Variants in C2CD5 observed in about 807,000 individuals in gnomAD.
The protein encoded by C2CD5 is C2 calcium dependent domain containing 5, also known as C2 domain-containing protein 5.
C2CD5 carries 109 observed loss-of-function variants against 130.3 expected under a neutral mutation model. That is an observed-to-expected ratio of 0.84 (90% CI 0.72 to 0.98). The LOEUF (loss-of-function observed/expected upper bound fraction) is 0.98. Among genes scored for constraint, C2CD5 ranks in the 50% least tolerant of loss-of-function variants. C2CD5 has a pLI of 0.00. For missense variants in C2CD5, 996 were observed against 1,261.8 expected (o/e 0.79, Z 3.19); for synonymous variants, 454 against 429.2 (o/e 1.06, Z -0.71).
At chr12:22,471,664 CAAT>C (rs747875417) in intron 19 of C2CD5, among the ~76,000 whole-genome samples, 176 bp from the exon 20 acceptor site, 1 of 151,358 alleles carries the variant, frequency 6.6e-6, no homozygotes, top group Non-Finnish European at 1.5e-5. Flanking sequence ...TTTAAGTAGA[CAAT>C]AAGATTTAAT....
chr12:22,477,434 G>C (rs960508257), intron 15 of C2CD5: 1 of 152,034 alleles, frequency 6.6e-6, no homozygotes, highest in Non-Finnish European at 1.5e-5. Flanking sequence ...CAACAATCCA[G>C]ACACACTGTT....
At position 22,472,289 on chromosome 12, in the gene C2CD5, T is replaced by C; in HGVS notation, c.2166A>G (p.Ile722Met). 1 of 1,497,170 alleles carries C rather than the reference T, an allele frequency of 6.7e-7. No individual in the cohort carries two copies. Among genetic ancestry groups the C allele is most frequent in the Non-Finnish European group, 9.2e-7 (1 of 1,091,148 alleles). The allele number at this position is 1,497,170 out of a possible 1,614,324, so 92.7% of individuals were successfully genotyped here. A position where few individuals can be genotyped will look rare whatever the true frequency, so the allele number is the denominator to read the frequency against. Residue 722 changes from isoleucine (I) to methionine (M), a missense_variant, in exon 18 of 27, where the codon ATA (isoleucine) becomes ATG (methionine). Coordinates refer to ENST00000446597, the MANE Select transcript of C2CD5 (RefSeq NM_001286176.2). ...MPGINNWTSE[I>M]QMFTSVRVIR... Reference sequence around the variant, plus strand: ...AAATTAAGAAAAAAAGGTTTACCTGTATTTCAGAGGTCCAATTATTTATAC... The same window carrying C: ...AAATTAAGAAAAAAAGGTTTACCTGCATTTCAGAGGTCCAATTATTTATAC...
At chr12:22,487,072 T>C (rs1375689009) in intron 12 of C2CD5, among the ~76,000 whole-genome samples, 2 of 152,174 alleles carry the variant, frequency 1.3e-5, no homozygotes, top group Non-Finnish European at 2.9e-5. Flanking sequence ...GATTAAAGAC[T>C]TAAATGTTAG....
At chr12:22,500,986 A>C (rs1009933214) in intron 10 of C2CD5, among the ~76,000 whole-genome samples, 3 of 152,184 alleles carry the variant, frequency 2.0e-5, no homozygotes, top group African/African-American at 7.2e-5. Context: ...ATATGAGAGC[A>C]ATGGCTAAAT....
chr12:22,467,208 C>T (rs1395287642), intron 22 of C2CD5, among the ~76,000 whole-genome samples: 3 of 152,190 alleles, frequency 2.0e-5, no homozygotes, highest in Admixed American at 6.5e-5. Context: ...GTCACTCTGT[C>T]GCCCAGGCTG....
In C2CD5 at chr12:22,540,813, C is replaced by A. The variant is rs1272727409; in HGVS notation, c.90+3248G>T. On this transcript the variant is annotated intron_variant, in intron 2 of 26. Transcript: ENST00000446597. Reference sequence around the variant, plus strand: ...GACGGAAGTTGCAGTGAGCCAAGATCGTGCCACTACACTCCAGCCTGGGTG... The same window carrying A: ...GACGGAAGTTGCAGTGAGCCAAGATAGTGCCACTACACTCCAGCCTGGGTG... Among the ~76,000 whole-genome samples, 3 of 152,146 alleles carry A rather than the reference C, an allele frequency of 2.0e-5. No individual in the cohort carries two copies. The East Asian group carries it at 5.8e-4, about 29-fold the overall frequency.
intron 9 of C2CD5, among the ~76,000 whole-genome samples, chr12:22,508,950 C>T (rs1233904155): frequency 6.6e-6 from 1 of 151,046 alleles, no homozygotes; most frequent in African/African-American, 2.4e-5. Flanking sequence ...AATCTCGGCT[C>T]ACTGCAAGCT....
intron 10 of C2CD5, among the ~76,000 whole-genome samples, chr12:22,494,460 G>A (rs775541539): frequency 2.6e-5 from 4 of 152,028 alleles, no homozygotes; most frequent in African/African-American, 4.8e-5. Context: ...AAATAGTGAA[G>A]ACAGCAAAGT....
rs150506868 is a variant in C2CD5, at chr12:22,448,706, A to G, written c.*1054T>C. The G allele has an allele frequency of 9.6e-3, 1,473 of 152,724 alleles. 17 individuals are homozygous for G. The highest frequency in any genetic ancestry group is 0.012 in the Non-Finnish European group (811 of 68,008). The allele number at this position is 152,724 out of a possible 1,614,324, so 9.5% of individuals were successfully genotyped here. ...GTTTGTTGTCCTGGGGGAAAAAATC[A>G]TAAGTGTTATAAAGAAATATTATTG... On this transcript the variant is annotated 3_prime_UTR_variant, in exon 27 of 27. Transcript: ENST00000446597.
intron 3 of C2CD5, among the ~76,000 whole-genome samples, chr12:22,530,417 T>C (rs999538195): frequency 1.3e-5 from 2 of 151,600 alleles, no homozygotes; most frequent in Admixed American, 6.6e-5. Context: ...TTTCACAGCA[T>C]ATATATTATT....
intron 7 of C2CD5, among the ~76,000 whole-genome samples, chr12:22,521,788 A>G (rs931937842): frequency 3.3e-5 from 5 of 152,224 alleles, no homozygotes; most frequent in Non-Finnish European, 4.4e-5. Flanking sequence ...AATTCAACCC[A>G]AATGACTAAT....
At chr12:22,491,212 A>T (rs562297686) in intron 11 of C2CD5, among the ~76,000 whole-genome samples, 109 of 152,326 alleles carry the variant, frequency 7.2e-4, no homozygotes, top group African/African-American at 2.1e-3. Flanking sequence ...CATCTGTCAG[A>T]TGAACTCAAA....
chr12:22,515,191 G>C (rs1949595210), intron 8 of C2CD5: 2 of 907,498 alleles, frequency 2.2e-6, no homozygotes, highest in Non-Finnish European at 2.6e-6. Context: ...AGATTCAGAA[G>C]ATGATCAGAA....
At chr12:22,500,912 C>T (rs1196223080) in intron 10 of C2CD5, among the ~76,000 whole-genome samples, 1 of 152,100 alleles carries the variant, frequency 6.6e-6, no homozygotes, top group African/African-American at 2.4e-5. Context: ...ATGAGCAATT[C>T]TAGCCCTAAT....
At chr12:22,537,578 C>G (rs181925062) in intron 2 of C2CD5, among the ~76,000 whole-genome samples, 1 of 152,252 alleles carries the variant, frequency 6.6e-6, no homozygotes, top group East Asian at 1.9e-4. Context: ...TAAAGAACAT[C>G]AGGGATTTTA....
chr12:22,484,932 C>T (rs1323690659), intron 12 of C2CD5, 44 bp from the exon 13 acceptor site: 3 of 992,718 alleles, frequency 3.0e-6, no homozygotes, highest in Non-Finnish European at 4.2e-6. Context: ...TAAAAATGTA[C>T]CAATTTTTTC....
intron 14 of C2CD5, among the ~76,000 whole-genome samples, chr12:22,478,981 T>G (rs1324158531): frequency 6.6e-6 from 1 of 152,214 alleles, no homozygotes; most frequent in Non-Finnish European, 1.5e-5. Flanking sequence ...CGTTGGTTTC[T>G]TTTGGGGAGG....
chr12:22,503,767 C>T (rs1427980638), intron 10 of C2CD5, among the ~76,000 whole-genome samples: 6 of 152,178 alleles, frequency 3.9e-5, no homozygotes, highest in Admixed American at 3.9e-4. Flanking sequence ...CCGCCTTGGC[C>T]TCCCAAAATG....
At chr12:22,500,962 T>A (rs1183586784) in intron 10 of C2CD5, among the ~76,000 whole-genome samples, 1 of 152,178 alleles carries the variant, frequency 6.6e-6, no homozygotes, top group East Asian at 1.9e-4. Context: ...CATGGTTAGT[T>A]CTTGATTTTC....
Sources: gnomAD v4.1 joint callset for allele counts (sites outside exome capture counted in the v4.1 genomes callset) on GRCh38, gnomAD v4.1.1 for gene constraint, MANE v1.5 for transcripts, NCBI Gene and HGNC (gene_info 2026-07-23, HGNC 2026-07-21) for gene names.